The following UBE2D3 variants were observed in gnomAD, a reference collection of about 807,000 sequenced individuals.
UBE2D3 encodes the protein ubiquitin conjugating enzyme E2 D3, also known as ubiquitin-conjugating enzyme E2 D3.
UBE2D3 carries 2 observed loss-of-function variants against 22.8 expected under a neutral mutation model. That is an observed-to-expected ratio of 0.09 (90% CI 0.04 to 0.28). UBE2D3 has a LOEUF of 0.28. Ranked by LOEUF, UBE2D3 falls within the 10% of genes least tolerant of loss-of-function variation. The probability of loss-of-function intolerance (pLI) is 1.00; values close to 1 mark genes in which losing one functional copy is unlikely to be tolerated. For synonymous variants in UBE2D3, 56 were observed against 60.4 expected (o/e 0.93, Z 0.34); for missense variants, 27 against 182.5 (o/e 0.15, Z 4.91).
chr4:102,808,036 GCTTT>G (rs1727345483), intron 4 of UBE2D3, among the ~76,000 whole-genome samples: 1 of 152,140 alleles, frequency 6.6e-6, no homozygotes, highest in African/African-American at 2.4e-5. Flanking sequence ...TCAAAGATGA[GCTTT>G]ATTTTAAGGC....
chr4:102,804,939 C>A (rs1706487583), intron 4 of UBE2D3, among the ~76,000 whole-genome samples: 1 of 152,196 alleles, frequency 6.6e-6, no homozygotes, highest in Non-Finnish European at 1.5e-5. Flanking sequence ...CCCACCTTGG[C>A]CTCCCAAAGT....
At chr4:102,808,745 C>T (rs1727474080) in intron 4 of UBE2D3, among the ~76,000 whole-genome samples, 1 of 152,064 alleles carries the variant, frequency 6.6e-6, no homozygotes, top group Admixed American at 6.6e-5. Flanking sequence ...CAATTTGTAT[C>T]CTTATTACCT....
intron 1 of UBE2D3, among the ~76,000 whole-genome samples, chr4:102,846,196 ATC>A (rs1455326048): frequency 2.0e-5 from 3 of 152,214 alleles, no homozygotes; most frequent in African/African-American, 7.2e-5. Context: ...TACCACCATC[ATC>A]TCTCGCAAAC....
chr4:102,827,972 A>C, upstream of UBE2D3: 6 of 985,432 alleles, frequency 6.1e-6, no homozygotes, highest in Non-Finnish European at 6.0e-6. Flanking sequence ...CTCTCGCGAG[A>C]ACTTCGTGGC....
intron 2 of UBE2D3, chr4:102,810,745 G>C (rs1727834239): frequency 6.6e-6 from 1 of 152,036 alleles, no homozygotes; most frequent in South Asian, 2.1e-4. Context: ...TCCATGACTT[G>C]TGCATAACAA....
chr4:102,801,752 T>C, intron 5 of UBE2D3, 193 bp from the exon 6 acceptor site: 2 of 463,812 alleles, frequency 4.3e-6, no homozygotes, highest in South Asian at 6.5e-5. Context: ...CCTAAACTTT[T>C]GGATAAAAAT....
At chr4:102,835,253 T>C (rs1330524106) in intron 1 of UBE2D3, among the ~76,000 whole-genome samples, 1 of 152,262 alleles carries the variant, frequency 6.6e-6, no homozygotes, top group Non-Finnish European at 1.5e-5. Flanking sequence ...ACATACTTTT[T>C]TCTTGTTACT....
At chr4:102,867,668 A>T (rs960702526) in intron 1 of UBE2D3, among the ~76,000 whole-genome samples, 1 of 152,130 alleles carries the variant, frequency 6.6e-6, no homozygotes, top group African/African-American at 2.4e-5. Context: ...GTGTGGCAGC[A>T]CACGCCTGTA....
intron 5 of UBE2D3, 160 bp from the exon 6 acceptor site, chr4:102,801,719 G>A (rs975111185): frequency 1.4e-5 from 7 of 485,280 alleles, no homozygotes; most frequent in Admixed American, 4.2e-5. Flanking sequence ...ACAACCCCCT[G>A]CCTCCTCTTT....
chr4:102,859,876 C>G (rs1347761372), intron 1 of UBE2D3, among the ~76,000 whole-genome samples: 3 of 150,026 alleles, frequency 2.0e-5, no homozygotes, highest in Non-Finnish European at 4.4e-5. Flanking sequence ...TATGGAGTCT[C>G]GCTCTGTCAC....
At chr4:102,842,335 G>T (rs1366661385) in intron 1 of UBE2D3, among the ~76,000 whole-genome samples, 1 of 151,712 alleles carries the variant, frequency 6.6e-6, no homozygotes, top group Non-Finnish European at 1.5e-5. Flanking sequence ...AGAATCACTT[G>T]AGACCAGGAG....
chr4:102,837,343 T>C (rs902600437), intron 1 of UBE2D3, among the ~76,000 whole-genome samples: 13 of 152,206 alleles, frequency 8.5e-5, no homozygotes, highest in African/African-American at 3.1e-4. Flanking sequence ...TAATAAATAC[T>C]CAAAACTCAC....
chr4:102,849,438 C>T (rs1376924549), intron 1 of UBE2D3, among the ~76,000 whole-genome samples: 1 of 150,986 alleles, frequency 6.6e-6, no homozygotes, highest in Non-Finnish European at 1.5e-5. Flanking sequence ...ATCAAGGCAC[C>T]ATTACAAAAA....
chr4:102,815,858 T>A (rs1051381174), intron 2 of UBE2D3, among the ~76,000 whole-genome samples: 2 of 152,216 alleles, frequency 1.3e-5, no homozygotes. Context: ...AACAAAGGTC[T>A]TTTTTAAAGA....
rs564479089 is a variant in UBE2D3 at position 102,821,609 on chromosome 4, T to C, written c.24+4876A>G. Among the ~76,000 whole-genome samples the C allele has an allele frequency of 2.4e-3, 77 of 31,958 alleles. No individual in the cohort carries two copies. In the East Asian group the frequency reaches 0.052, roughly 22 times the overall value. The allele number at this position is 31,958 out of a possible 152,430, so 21.0% of individuals were successfully genotyped here. ...GTCTAAGACCCCCATGCAGCTGTAT[T>C]TTTTTTTTTAAATTCTAAACAATCT... On this transcript the variant is annotated intron_variant, in intron 2 of 7. Transcript: ENST00000453744.
At chr4:102,809,510 C>A (rs746778511) in intron 4 of UBE2D3, 162 bp downstream of exon 4, 1 of 755,612 alleles carries the variant, frequency 1.3e-6, no homozygotes. Flanking sequence ...TAACAAATGA[C>A]TAACTCATTA....
At chr4:102,840,095 G>GT (rs1235776255) in intron 1 of UBE2D3, among the ~76,000 whole-genome samples, 6 of 152,130 alleles carry the variant, frequency 3.9e-5, no homozygotes, top group Non-Finnish European at 7.4e-5. Flanking sequence ...TGACAGAGTG[G>GT]TTATTACGAA....
rs1578211543 is a variant in UBE2D3 at position 102,796,835 on chromosome 4, C to G, written c.*580G>C. The G allele has an allele frequency of 6.6e-6, 1 of 152,414 alleles. No individual in the cohort carries two copies. The highest frequency in any genetic ancestry group is 1.9e-4 in the East Asian group (1 of 5,192). The allele number at this position is 152,414 out of a possible 1,614,324, so 9.4% of individuals were successfully genotyped here. On this transcript the variant is annotated 3_prime_UTR_variant, in exon 8 of 8. Coordinates refer to ENST00000453744, the MANE Select transcript of UBE2D3 (RefSeq NM_181891.3). ...ATTTCCATTCTCTGTAGAACAAGAA[C>G]AGGTCATTCCTTTATTGACATGCAT... is the stretch of plus-strand genomic sequence containing the variant.
upstream of UBE2D3, chr4:102,827,954 G>A (rs1334809759): frequency 2.0e-6 from 2 of 985,418 alleles, no homozygotes; most frequent in Non-Finnish European, 2.4e-6. Context: ...TTGGTATCGA[G>A]GAGACGACTC....
Sources: allele counts gnomAD v4.1 joint callset (sites outside exome capture counted in the v4.1 genomes callset), GRCh38; gene constraint gnomAD v4.1.1; transcripts MANE v1.5; gene names NCBI Gene and HGNC (gene_info 2026-07-23, HGNC 2026-07-21).